ARID1B: variants seen among roughly 807,000 people sequenced by gnomAD.
The protein encoded by ARID1B is AT-rich interactive domain-containing protein 1B.
In ARID1B, 30 loss-of-function variants were observed where a neutral mutation model predicts 212.3. The ratio of observed to expected loss-of-function variants is 0.14; its 90% CI spans 0.11 to 0.19. The LOEUF (loss-of-function observed/expected upper bound fraction) is 0.19, where lower values mean the gene tolerates loss of function less well. ARID1B is among the 10% of genes least tolerant of loss of function. The pLI is 1.00. For synonymous variants in ARID1B, 1,402 were observed against 1,301.7 expected (o/e 1.08, Z -1.66); for missense variants, 2,891 against 3,204.0 (o/e 0.90, Z 2.36).
intron 1 of ARID1B, among the ~76,000 whole-genome samples, chr6:156,808,086 C>T (rs1368408882): frequency 2.0e-5 from 3 of 152,136 alleles, no homozygotes; most frequent in South Asian, 2.1e-4. Flanking sequence ...GGCTTTAACC[C>T]TATTGTATCC....
chr6:157,000,230 CT>C (rs780881658), intron 4 of ARID1B, among the ~76,000 whole-genome samples: 159 of 152,264 alleles, frequency 1.0e-3, no homozygotes, highest in Non-Finnish European at 1.9e-3. Flanking sequence ...CAGAGTCTCC[CT>C]CCTTGAATGA....
At chr6:156,878,964 G>A (rs1786816036) in intron 2 of ARID1B, among the ~76,000 whole-genome samples, 1 of 152,244 alleles carries the variant, frequency 6.6e-6, no homozygotes, top group Admixed American at 6.5e-5. Flanking sequence ...TTTGTAAGGA[G>A]GAGGTAAGGA....
chr6:156,818,098 A>ATTT (rs71027317), intron 1 of ARID1B, among the ~76,000 whole-genome samples: 12,447 of 61,318 alleles, frequency 0.2, 2,616 homozygotes, highest in Non-Finnish European at 0.24. Flanking sequence ...TAGTTGCCCT[A>ATTT]TTTTTTTTTT....
Position 157,201,572 on chromosome 6 carries a change from C to T in ARID1B, c.5263+84C>T. ...TTTTAGTAAAGATGCTGTTCCTGCT[C>T]ATCTTAAAGGGATGAAAAAATTATG... On this transcript the variant is annotated intron_variant, in intron 18 of 19. Coordinates refer to ENST00000636930, the MANE Select transcript of ARID1B (RefSeq NM_001374828.1). The surrounding 1 kb of genome is among the most constrained non-coding windows in gnomAD (Gnocchi z 5.2). The T allele has an allele frequency of 2.1e-6, 3 of 1,413,582 alleles. No individual in the cohort carries two copies. The highest frequency in any genetic ancestry group is 2.8e-6 in the Non-Finnish European group (3 of 1,064,328). 87.6% of individuals were successfully genotyped at this position (1,413,582 alleles called of 1,614,324 possible).
intron 2 of ARID1B, among the ~76,000 whole-genome samples, chr6:156,844,955 G>A (rs1370592657): frequency 6.6e-6 from 1 of 152,090 alleles, no homozygotes; most frequent in Non-Finnish European, 1.5e-5. Context: ...CTCTCAAGAT[G>A]GTGGAACCCA....
chr6:156,890,438 G>C (rs1391687656), intron 2 of ARID1B, among the ~76,000 whole-genome samples: 1 of 152,138 alleles, frequency 6.6e-6, no homozygotes, highest in East Asian at 1.9e-4. Context: ...AATCAAAAAA[G>C]GTAAATCTAT....
chr6:157,125,173 C>G (rs193116683), intron 6 of ARID1B, among the ~76,000 whole-genome samples: 1 of 152,298 alleles, frequency 6.6e-6, no homozygotes, highest in Non-Finnish European at 1.5e-5. Flanking sequence ...TGAATGAACA[C>G]AGATATCTGC....
chr6:157,050,623 C>G (rs1782538347), intron 4 of ARID1B, among the ~76,000 whole-genome samples: 1 of 152,134 alleles, frequency 6.6e-6, no homozygotes, highest in Non-Finnish European at 1.5e-5. Flanking sequence ...GAAGGTATTT[C>G]TTTATCATGT....
intron 4 of ARID1B, among the ~76,000 whole-genome samples, chr6:156,981,187 T>C (rs1270310671): frequency 2.6e-5 from 4 of 152,194 alleles, no homozygotes; most frequent in Non-Finnish European, 5.9e-5. Flanking sequence ...CTAAGATTGC[T>C]CCAGGTCCAC....
At chr6:156,956,559 G>GT (rs917191863) in intron 4 of ARID1B, among the ~76,000 whole-genome samples, 2 of 152,130 alleles carry the variant, frequency 1.3e-5, no homozygotes, top group African/African-American at 4.8e-5. Flanking sequence ...CCAGCCTGCA[G>GT]TTTCAGCTTG....
chr6:157,174,740 A>ATAT, intron 10 of ARID1B, 107 bp from the exon 11 acceptor site: 4 of 297,242 alleles, frequency 1.3e-5, no homozygotes. Context: ...ATATATATAT[A>ATAT]ATATATATAA....
chr6:157,066,314 A>G (rs1783673499), intron 4 of ARID1B, among the ~76,000 whole-genome samples: 2 of 152,200 alleles, frequency 1.3e-5, no homozygotes, highest in Non-Finnish European at 2.9e-5. Context: ...AAATTACAGA[A>G]AGGAAGAAAA....
intron 3 of ARID1B, among the ~76,000 whole-genome samples, chr6:156,914,587 G>C (rs571971306): frequency 2.4e-4 from 37 of 152,236 alleles, no homozygotes; most frequent in African/African-American, 7.9e-4. Context: ...CACCTTACCT[G>C]TATGATTTCT....
At chr6:156,999,477 A>G (rs1562538496) in intron 4 of ARID1B, among the ~76,000 whole-genome samples, 2 of 152,256 alleles carry the variant, frequency 1.3e-5, no homozygotes, top group Non-Finnish European at 1.5e-5. Context: ...TTATTGTTGC[A>G]GTCAGCAAAT....
chr6:157,132,801 G>A (rs967614276), intron 6 of ARID1B, among the ~76,000 whole-genome samples: 1 of 152,110 alleles, frequency 6.6e-6, no homozygotes, highest in Non-Finnish European at 1.5e-5. Context: ...ACAAGCCATT[G>A]GCTTCCTGGG....
At chr6:157,166,851 G>T in intron 8 of ARID1B, 189 bp from the exon 9 acceptor site, 1 of 593,094 alleles carries the variant, frequency 1.7e-6, no homozygotes, top group African/African-American at 1.9e-5. Context: ...GAATTGTAAA[G>T]GGGTGTATTA....
At chr6:157,041,491 A>T (rs1781870381) in intron 4 of ARID1B, among the ~76,000 whole-genome samples, 1 of 152,246 alleles carries the variant, frequency 6.6e-6, no homozygotes, top group African/African-American at 2.4e-5. Context: ...ATTTCTTAAG[A>T]AATCTTACTA....
At chr6:157,047,900 TG>T (rs1466917741) in intron 4 of ARID1B, among the ~76,000 whole-genome samples, 4 of 152,224 alleles carry the variant, frequency 2.6e-5, no homozygotes, top group African/African-American at 9.6e-5. Context: ...TTTCAGGACT[TG>T]CCTGTAAAAT....
At chr6:157,000,790 T>A (rs1025881594) in intron 4 of ARID1B, among the ~76,000 whole-genome samples, 5 of 149,884 alleles carry the variant, frequency 3.3e-5, no homozygotes, top group Non-Finnish European at 7.4e-5. Context: ...GTCTCCCAGG[T>A]TCAAACGATT....
Sources: gnomAD v4.1 joint callset for allele counts (sites outside exome capture counted in the v4.1 genomes callset) on GRCh38, gnomAD v4.1.1 for gene constraint, Gnocchi (gnomAD v3.1) non-coding constraint, MANE v1.5 for transcripts, NCBI Gene and HGNC (gene_info 2026-07-23, HGNC 2026-07-21) for gene names.